Variants in HECW1 observed in about 807,000 individuals in gnomAD.
HECW1 encodes the protein HECT, C2 and WW domain containing E3 ubiquitin protein ligase 1, also known as E3 ubiquitin-protein ligase HECW1.
HECW1 carries 61 observed loss-of-function variants against 182.3 expected under a neutral mutation model. The ratio of observed to expected loss-of-function variants is 0.33; its 90% CI spans 0.27 to 0.41. HECW1 has a LOEUF of 0.41. Among genes scored for constraint, HECW1 ranks in the 10% least tolerant of loss-of-function variants. The pLI, the probability that HECW1 is intolerant of heterozygous loss-of-function variation, is 1.00. For synonymous variants in HECW1, 859 were observed against 832.6 expected (o/e 1.03, Z -0.55); for missense variants, 1,739 against 2,108.9 (o/e 0.82, Z 3.44).
At chr7:43,198,299 ACACT>A (rs1286083370) in intron 2 of HECW1, among the ~76,000 whole-genome samples, 2 of 146,474 alleles carry the variant, frequency 1.4e-5, no homozygotes, top group Non-Finnish European at 3.0e-5. Context: ...ACACATTCGC[ACACT>A]CACCCTACAC....
chr7:43,511,180 C>T (rs985635560), intron 24 of HECW1: 3 of 152,194 alleles, frequency 2.0e-5, no homozygotes, highest in African/African-American at 7.2e-5. Flanking sequence ...ACCGCTGTGT[C>T]CTTTGTTAGA....
chr7:43,183,573 G>A (rs1472501153), intron 2 of HECW1, among the ~76,000 whole-genome samples: 2 of 152,070 alleles, frequency 1.3e-5, no homozygotes, highest in Admixed American at 1.3e-4. Flanking sequence ...AGGATGTGTA[G>A]CACACAGTTT....
intron 2 of HECW1, among the ~76,000 whole-genome samples, chr7:43,240,804 G>A (rs975634549): frequency 1.3e-5 from 2 of 152,138 alleles, no homozygotes; most frequent in East Asian, 1.9e-4. Context: ...AGCAGGGTGC[G>A]GCAGCCAGGA....
chr7:43,459,269 C>A (rs902019180), intron 13 of HECW1, among the ~76,000 whole-genome samples: 2 of 152,226 alleles, frequency 1.3e-5, no homozygotes, highest in Non-Finnish European at 2.9e-5. Context: ...CCCTTTTCTG[C>A]TCCCAGCACC....
intron 6 of HECW1, among the ~76,000 whole-genome samples, chr7:43,368,494 A>C (rs1816919833): frequency 6.6e-6 from 1 of 152,182 alleles, no homozygotes; most frequent in Non-Finnish European, 1.5e-5. Context: ...ACATTTGTAC[A>C]TTTGCTTTTT....
At chr7:43,126,645 T>G (rs1281876277) in intron 2 of HECW1, among the ~76,000 whole-genome samples, 2 of 152,248 alleles carry the variant, frequency 1.3e-5, no homozygotes. Context: ...TACTGCATTT[T>G]TCTTACAAAT....
intron 5 of HECW1, 71 bp from the exon 6 acceptor site, chr7:43,360,815 C>A: frequency 1.8e-6 from 2 of 1,105,778 alleles, no homozygotes; most frequent in Non-Finnish European, 2.8e-6. Context: ...TAGAGATGTC[C>A]TCTGTGGCCA....
At chr7:43,227,835 G>T (rs935515194) in intron 2 of HECW1, among the ~76,000 whole-genome samples, 5 of 152,168 alleles carry the variant, frequency 3.3e-5, no homozygotes, top group Non-Finnish European at 5.9e-5. Context: ...CCATGAAACT[G>T]CACAACTCAG....
chr7:43,438,904 T>C (rs1049775594), intron 9 of HECW1: 2 of 152,238 alleles, frequency 1.3e-5, no homozygotes, highest in African/African-American at 4.8e-5. Context: ...GAAAAAAATA[T>C]GCAGAATTTC....
At position 43,312,027 on chromosome 7, in the gene HECW1, A is replaced by G. The variant is rs1808593738; in HGVS notation, c.292A>G (p.Ile98Val). The G allele has an allele frequency of 6.2e-7, 1 of 1,614,270 alleles. No homozygotes were observed. The highest frequency in any genetic ancestry group is 1.3e-5 in the African/African-American group (1 of 75,062). ...YSIGHSQDLV[I>V]HWDIKEEVDA... The stretch of plus-strand genomic sequence containing the variant: ...CATCGGGCACTCTCAGGACCTGGTC[A>G]TCCACTGGGACATAAAGGAGGAAGT... The change falls in exon 4 of 30, where the codon ATC becomes GTC. Residue 98 changes from isoleucine to valine, a missense_variant. Ile to Val is a conservative substitution (Grantham distance 29). This residue lies in a region of HECW1 where 279 missense variants were observed against 353.1 expected (regional missense o/e 0.79). Transcript: ENST00000395891.
At chr7:43,410,651 G>T (rs1008460640) in intron 8 of HECW1, among the ~76,000 whole-genome samples, 18 of 152,070 alleles carry the variant, frequency 1.2e-4, no homozygotes, top group Non-Finnish European at 1.9e-4. Flanking sequence ...AACATCTTAG[G>T]CTGGAGTTTC....
intron 2 of HECW1, among the ~76,000 whole-genome samples, chr7:43,135,833 G>A (rs1787467279): frequency 6.6e-6 from 1 of 151,836 alleles, no homozygotes; most frequent in South Asian, 2.1e-4. Flanking sequence ...ATTTCAACTT[G>A]CATTTCATTT....
chr7:43,295,698 C>T (rs1226859322), intron 3 of HECW1, among the ~76,000 whole-genome samples: 1 of 152,170 alleles, frequency 6.6e-6, no homozygotes, highest in Non-Finnish European at 1.5e-5. Context: ...TTTCCAGCTC[C>T]TTTAAAGACC....
intron 2 of HECW1, among the ~76,000 whole-genome samples, chr7:43,186,685 A>C (rs1205647503): frequency 1.3e-5 from 2 of 151,714 alleles, no homozygotes; most frequent in African/African-American, 2.4e-5. Flanking sequence ...AAAAAAAAAA[A>C]AAAGGATTAT....
chr7:43,386,072 G>T (rs1390203324), intron 6 of HECW1, among the ~76,000 whole-genome samples: 1 of 152,102 alleles, frequency 6.6e-6, no homozygotes, highest in African/African-American at 2.4e-5. Context: ...GGCCAACCTG[G>T]GTCCTTCATG....
intron 5 of HECW1, among the ~76,000 whole-genome samples, chr7:43,331,657 A>G (rs1195880176): frequency 6.6e-6 from 1 of 152,102 alleles, no homozygotes; most frequent in Non-Finnish European, 1.5e-5. Context: ...TAGGCCATAA[A>G]AATAGGGACT....
At chr7:43,343,852 A>C (rs544865292) in intron 5 of HECW1, among the ~76,000 whole-genome samples, 1 of 151,768 alleles carries the variant, frequency 6.6e-6, no homozygotes, top group Non-Finnish European at 1.5e-5. Context: ...ACAATGGTTG[A>C]ATTAGTTTAC....
At chr7:43,338,359 G>C (rs1035050501) in intron 5 of HECW1, among the ~76,000 whole-genome samples, 1 of 151,994 alleles carries the variant, frequency 6.6e-6, no homozygotes, top group South Asian at 2.1e-4. Flanking sequence ...CCTCACCAGG[G>C]ATTTTTTATT....
rs528607036 is a variant in HECW1, at chr7:43,459,399, A to G, written c.2651+2952A>G. Among the ~76,000 whole-genome samples the G allele has an allele frequency of 2.0e-5, 3 of 152,368 alleles. No homozygotes were observed. In the East Asian group the frequency reaches 5.8e-4, roughly 29 times the overall value. On this transcript the variant is annotated intron_variant, in intron 13 of 29. Coordinates refer to ENST00000395891, the MANE Select transcript of HECW1 (RefSeq NM_015052.5). ...CTTTCACAAATATTTACTGAAAAGC[A>G]GAAAATATAAATATGTATTCTTATT...
Sources: allele counts gnomAD v4.1 joint callset (sites outside exome capture counted in the v4.1 genomes callset), GRCh38; gene constraint gnomAD v4.1.1; regional missense constraint gnomAD v4.1.1; transcripts MANE v1.5; gene names NCBI Gene and HGNC (gene_info 2026-07-23, HGNC 2026-07-21).